IL23R: variants seen among roughly 807,000 people sequenced by gnomAD.
IL23R encodes the protein interleukin 23 receptor.
Under a neutral mutation model 56.9 loss-of-function variants are expected in IL23R, and 34 were observed. That is an observed-to-expected ratio of 0.60 (90% CI 0.45 to 0.80). IL23R has a LOEUF of 0.80. Among genes scored for constraint, IL23R ranks in the 30% least tolerant of loss-of-function variants. The probability of loss-of-function intolerance (pLI) is 0.00; values close to 1 mark genes in which losing one functional copy is unlikely to be tolerated. For synonymous variants in IL23R, 230 were observed against 249.2 expected, an observed-to-expected ratio of 0.92 and a Z score of 0.73; for missense variants, 635 against 730.0, an observed-to-expected ratio of 0.87 and a Z score of 1.50.
intron 1 of IL23R, among the ~76,000 whole-genome samples, chr1:67,155,772 C>A (rs1206123601): frequency 1.3e-5 from 2 of 152,166 alleles, no homozygotes; most frequent in Non-Finnish European, 2.9e-5. Context: ...TATTATCCAC[C>A]TTCTAAAGCC....
chr1:67,227,821 G>C (rs1650716918), intron 7 of IL23R, among the ~76,000 whole-genome samples: 1 of 151,968 alleles, frequency 6.6e-6, no homozygotes, highest in South Asian at 2.1e-4. Flanking sequence ...TTTTCATTTG[G>C]GTTTAACTTT....
At chr1:67,218,152 G>T (rs1486361174) in intron 6 of IL23R, among the ~76,000 whole-genome samples, 1 of 151,710 alleles carries the variant, frequency 6.6e-6, no homozygotes, top group Non-Finnish European at 1.5e-5. Flanking sequence ...TTTATAGCAG[G>T]GTGTAGTGCT....
At chr1:67,227,940 A>ATCTCTCTTTC (rs1650731336) in intron 7 of IL23R, among the ~76,000 whole-genome samples, 1 of 37,434 alleles carries the variant, frequency 2.7e-5, no homozygotes, top group Non-Finnish European at 6.1e-5. Context: ...CAGAACAAAG[A>ATCTCTCTTTC]TCTTTCTTTC....
intron 4 of IL23R, among the ~76,000 whole-genome samples, chr1:67,192,816 C>A (rs191556058): frequency 6.6e-6 from 1 of 152,274 alleles, no homozygotes; most frequent in African/African-American, 2.4e-5. Context: ...CAGATCATCT[C>A]TCACTTGGGA....
chr1:67,246,884 G>T (rs574962879), intron 9 of IL23R, among the ~76,000 whole-genome samples: 2 of 152,136 alleles, frequency 1.3e-5, no homozygotes, highest in Non-Finnish European at 2.9e-5. Context: ...TTTCTGTCTC[G>T]CTGATCTGTC....
intron 4 of IL23R, among the ~76,000 whole-genome samples, chr1:67,185,495 G>T (rs1239995628): frequency 2.0e-5 from 3 of 152,216 alleles, no homozygotes; most frequent in African/African-American, 7.2e-5. Flanking sequence ...AGGCTGGAGT[G>T]CAGTGGCACA....
rs1248727454 is a variant in IL23R, at chr1:67,258,887, G to A, written c.1649G>A (p.Ser550Asn). 1 of 1,613,924 alleles carries A rather than the reference G, an allele frequency of 6.2e-7. No homozygotes were observed. The highest frequency in any genetic ancestry group is 8.5e-7 in the Non-Finnish European group (1 of 1,180,006). The change falls in exon 11 of 11, where the codon AGC (serine) becomes AAC (asparagine). Residue 550 changes from serine (S) to asparagine (N), a missense_variant. By Grantham distance (46) the Ser-to-Asn change is conservative. Transcript: ENST00000347310. ...AACACAATATTTCTTGGAGAATTAA[G>A]CCTCATATTAAATCAAGGAGAATGC... is the stretch of plus-strand genomic sequence containing the variant. ...LSNTIFLGEL[S>N]LILNQGECSS... is the part of the protein sequence containing the mutation.
Position 67,200,485 on chromosome 1 carries a change from C to T in IL23R, c.492-252C>T, listed in dbSNP as rs542361646. ...TTGGCTCACTGCAGGCTCTGCCTCC[C>T]GGGTTCCAGCAATTCTCCTTTCGCA... On this transcript the variant is annotated intron_variant, in intron 4 of 10. Transcript: ENST00000347310. Among the ~76,000 whole-genome samples the T allele has an allele frequency of 5.9e-5, 9 of 151,592 alleles. No homozygotes were observed. In the East Asian group the frequency reaches 7.8e-4, roughly 13 times the overall value.
At chr1:67,156,056 G>T (rs1321850821) in intron 1 of IL23R, among the ~76,000 whole-genome samples, 1 of 152,114 alleles carries the variant, frequency 6.6e-6, no homozygotes, top group Non-Finnish European at 1.5e-5. Context: ...TCCCTCTTCT[G>T]CAGGTCTGCT....
chr1:67,248,508 A>T (rs1652392483), intron 9 of IL23R, among the ~76,000 whole-genome samples: 2 of 151,890 alleles, frequency 1.3e-5, no homozygotes, highest in South Asian at 4.2e-4. Context: ...CTAGTTAGCA[A>T]TTCGTCTTTT....
chr1:67,169,190 G>T, intron 2 of IL23R, 152 bp from the exon 3 acceptor site: 1 of 504,330 alleles, frequency 2.0e-6, no homozygotes, highest in Non-Finnish European at 3.5e-6. Context: ...TAATAGGCTA[G>T]TTTATGAAAA....
At chr1:67,188,770 G>A (rs1356525324) in intron 4 of IL23R, among the ~76,000 whole-genome samples, 2 of 152,122 alleles carry the variant, frequency 1.3e-5, no homozygotes, top group East Asian at 3.9e-4. Context: ...CATAGTAGAA[G>A]GGGCCAGGCA....
intron 1 of IL23R, among the ~76,000 whole-genome samples, chr1:67,150,503 T>A (rs933415580): frequency 6.6e-6 from 1 of 152,084 alleles, no homozygotes; most frequent in Admixed American, 6.6e-5. Context: ...CTCCCACTTA[T>A]GAGTGAGAAC....
intron 1 of IL23R, among the ~76,000 whole-genome samples, chr1:67,147,425 G>A (rs545986779): frequency 6.6e-6 from 1 of 152,306 alleles, no homozygotes; most frequent in East Asian, 1.9e-4. Context: ...CTGGCTGGAT[G>A]TGGTGGCTCA....
upstream of IL23R, among the ~76,000 whole-genome samples, chr1:67,162,019 G>A (rs765635219): frequency 1.1e-4 from 17 of 152,014 alleles, no homozygotes; most frequent in Non-Finnish European, 2.2e-4. Flanking sequence ...AGACGAGGCT[G>A]TTAAAGACAC....
intron 9 of IL23R, among the ~76,000 whole-genome samples, chr1:67,252,322 C>A (rs1158556929): frequency 1.3e-5 from 2 of 152,052 alleles, no homozygotes; most frequent in East Asian, 3.9e-4. Context: ...ATTTTACAAC[C>A]CCTGCAATAC....
chr1:67,164,925 G>A (rs966662564), upstream of IL23R, among the ~76,000 whole-genome samples: 1 of 152,006 alleles, frequency 6.6e-6, no homozygotes, highest in Non-Finnish European at 1.5e-5. Flanking sequence ...AAACTACAAT[G>A]AGCTGGGCGT....
chr1:67,227,940 ATCTTTCTTTCTT>A (rs746969384), intron 7 of IL23R, among the ~76,000 whole-genome samples: 1,926 of 36,936 alleles, frequency 0.052, 128 homozygotes, highest in Non-Finnish European at 0.077. Context: ...CAGAACAAAG[ATCTTTCTTTCTT>A]TCTTTCTTTC....
At chr1:67,170,450 AT>A (rs1646929152) in intron 3 of IL23R, among the ~76,000 whole-genome samples, 1 of 152,160 alleles carries the variant, frequency 6.6e-6, no homozygotes, top group African/African-American at 2.4e-5. Context: ...GGGAATAATT[AT>A]TAATTTATTT....
Sources: gnomAD v4.1 joint callset for allele counts (sites outside exome capture counted in the v4.1 genomes callset) on GRCh38, gnomAD v4.1.1 for gene constraint, MANE v1.5 for transcripts, NCBI Gene and HGNC (gene_info 2026-07-23, HGNC 2026-07-21) for gene names.